SHANK2: variants seen among roughly 807,000 people sequenced by gnomAD.
SHANK2 encodes SH3 and multiple ankyrin repeat domains 2, also known as SH3 and multiple ankyrin repeat domains protein 2.
A neutral mutation model predicts 133.7 loss-of-function variants in SHANK2; 43 were observed. The observed-to-expected ratio is 0.32, with a 90% confidence interval of 0.25 to 0.41. The LOEUF (loss-of-function observed/expected upper bound fraction) is 0.41. SHANK2 is among the 10% of genes least tolerant of loss of function. The probability of loss-of-function intolerance (pLI) is 1.00; values close to 1 mark genes in which losing one functional copy is unlikely to be tolerated. For missense variants in SHANK2, 1,994 were observed against 2,235.8 expected, an observed-to-expected ratio of 0.89 and a Z score of 2.18; for synonymous variants, 1,017 against 952.8, an observed-to-expected ratio of 1.07 and a Z score of -1.24.
rs916346119 is a variant in SHANK2, at chr11:70,853,288, G to A, written c.1175-32606C>T. Among the ~76,000 whole-genome samples the A allele has an allele frequency of 6.6e-5, 10 of 152,208 alleles. 1 individual carries two copies. Among genetic ancestry groups the A allele is most frequent in the South Asian group, 4.1e-4 (2 of 4,830 alleles). On this transcript the variant is annotated intron_variant, in intron 11 of 25. Transcript: ENST00000601538. ...GTGGACCTGGACCAGGCGTCCCGGC[G>A]CCTCCCACGGGCCCTGGAGCTCAGA...
chr11:70,869,917 C>T (rs191634225), intron 11 of SHANK2, among the ~76,000 whole-genome samples: 23 of 152,256 alleles, frequency 1.5e-4, no homozygotes, highest in African/African-American at 5.5e-4. Flanking sequence ...GCTCCCCAGG[C>T]TCTGCCTTCT....
chr11:70,665,543 G>A (rs745709081), intron 15 of SHANK2, among the ~76,000 whole-genome samples: 2 of 152,182 alleles, frequency 1.3e-5, no homozygotes, highest in Non-Finnish European at 2.9e-5. Flanking sequence ...AAACTGCTTA[G>A]TCTCTGACAT....
intron 17 of SHANK2, among the ~76,000 whole-genome samples, chr11:70,629,357 T>A (rs2060948834): frequency 6.6e-6 from 1 of 152,122 alleles, no homozygotes; most frequent in South Asian, 2.1e-4. Context: ...TTTGGTCAGT[T>A]CTCTGTCATT....
intron 2 of SHANK2, among the ~76,000 whole-genome samples, chr11:71,209,783 G>A (rs1400091327): frequency 6.6e-6 from 1 of 152,160 alleles, no homozygotes; most frequent in Non-Finnish European, 1.5e-5. Flanking sequence ...CATCAACAGA[G>A]CACCTGCCGT....
intron 21 of SHANK2, among the ~76,000 whole-genome samples, chr11:70,498,005 G>A (rs1361044941): frequency 6.6e-6 from 1 of 152,246 alleles, no homozygotes; most frequent in African/African-American, 2.4e-5. Context: ...AGAACCTTCT[G>A]GGGGAAAGCA....
chr11:70,732,566 C>T (rs557343247), intron 14 of SHANK2, among the ~76,000 whole-genome samples: 3 of 152,352 alleles, frequency 2.0e-5, no homozygotes, highest in East Asian at 3.9e-4. Context: ...CACACCTCCC[C>T]GACCCTCCCC....
chr11:70,870,244 G>T (rs147929725), intron 11 of SHANK2, among the ~76,000 whole-genome samples: 1 of 152,238 alleles, frequency 6.6e-6, no homozygotes, highest in East Asian at 1.9e-4. Flanking sequence ...AAATGAACCC[G>T]GGGTGAGACC....
intron 10 of SHANK2, among the ~76,000 whole-genome samples, chr11:70,932,960 C>T (rs952735366): frequency 2.6e-5 from 4 of 152,166 alleles, no homozygotes; most frequent in Non-Finnish European, 5.9e-5. Context: ...TACAGCCGTT[C>T]CTGGAAAAAT....
At chr11:70,503,522 G>C (rs1399940344) in intron 17 of SHANK2, among the ~76,000 whole-genome samples, 4 of 152,210 alleles carry the variant, frequency 2.6e-5, no homozygotes, top group South Asian at 2.1e-4. Flanking sequence ...TTACAAGAGT[G>C]GGGGCCCTGT....
intron 21 of SHANK2, among the ~76,000 whole-genome samples, chr11:70,495,578 C>T (rs782392574): frequency 6.6e-6 from 1 of 152,208 alleles, no homozygotes; most frequent in Non-Finnish European, 1.5e-5. Context: ...GTCTCCTGCA[C>T]CAGGGAGTTA....
At chr11:70,501,089 A>T (rs1239701851) in intron 20 of SHANK2, among the ~76,000 whole-genome samples, 2 of 149,480 alleles carry the variant, frequency 1.3e-5, no homozygotes, top group Non-Finnish European at 2.9e-5. Flanking sequence ...GAGGGCCTGG[A>T]GGCTGGTCAC....
At chr11:71,204,109 C>T (rs1300440839) in intron 2 of SHANK2, among the ~76,000 whole-genome samples, 1 of 152,162 alleles carries the variant, frequency 6.6e-6, no homozygotes, top group Non-Finnish European at 1.5e-5. Context: ...TGGGGGTGGC[C>T]TTGGGGAGCC....
At chr11:70,721,306 C>T (rs547751861) in intron 14 of SHANK2, among the ~76,000 whole-genome samples, 5 of 152,348 alleles carry the variant, frequency 3.3e-5, no homozygotes, top group South Asian at 4.1e-4. Context: ...AGGCTTCCTC[C>T]GCAGTGTCTC....
chr11:70,527,900 C>T (rs141246975), intron 17 of SHANK2, among the ~76,000 whole-genome samples: 218 of 152,356 alleles, frequency 1.4e-3, no homozygotes, highest in African/African-American at 5.1e-3. Flanking sequence ...GCTCCTTCAC[C>T]GGGCGACCCA....
intron 6 of SHANK2, among the ~76,000 whole-genome samples, chr11:71,101,452 AC>A (rs1447477854): frequency 4.6e-5 from 7 of 152,244 alleles, no homozygotes; most frequent in African/African-American, 1.7e-4. Context: ...GAGAAACTGT[AC>A]TGAACAAACC....
At chr11:71,170,154 T>C (rs532466332) in intron 2 of SHANK2, among the ~76,000 whole-genome samples, 61 of 152,372 alleles carry the variant, frequency 4.0e-4, no homozygotes, top group Non-Finnish European at 7.9e-4. Flanking sequence ...TTAATACTTT[T>C]ATCAAAATAC....
intron 14 of SHANK2, among the ~76,000 whole-genome samples, chr11:70,730,891 A>G (rs1220744402): frequency 2.0e-5 from 3 of 151,600 alleles, no homozygotes; most frequent in Non-Finnish European, 4.4e-5. Context: ...CATTAAAAAA[A>G]TACAATTTGT....
chr11:71,064,777 C>T (rs1484525798), intron 9 of SHANK2, among the ~76,000 whole-genome samples: 5 of 152,078 alleles, frequency 3.3e-5, no homozygotes, highest in South Asian at 2.1e-4. Context: ...GGCCAGGTTT[C>T]GGGCCTGAGC....
intron 3 of SHANK2, among the ~76,000 whole-genome samples, chr11:71,142,356 C>T (rs145115130): frequency 0.017 from 2,599 of 152,242 alleles, 79 homozygotes; most frequent in African/African-American, 0.06. Flanking sequence ...CAAAAATTAG[C>T]CAGGCGTGGT....
Sources: allele counts gnomAD v4.1 joint callset (sites outside exome capture counted in the v4.1 genomes callset), GRCh38; gene constraint gnomAD v4.1.1; transcripts MANE v1.5; gene names NCBI Gene and HGNC (gene_info 2026-07-23, HGNC 2026-07-21).